The following NOL8 variants were observed in gnomAD, a reference collection of about 807,000 sequenced individuals.
NOL8 encodes the protein nucleolar protein Nop132.
In NOL8, 93 loss-of-function variants were observed where a neutral mutation model predicts 116.1. That is an observed-to-expected ratio of 0.80 (90% confidence interval 0.68 to 0.95). NOL8 has a LOEUF of 0.95. NOL8 is among the 40% of genes least tolerant of loss of function. The probability of loss-of-function intolerance (pLI) is 0.00; values close to 1 mark genes in which losing one functional copy is unlikely to be tolerated. For missense variants in NOL8, 1,291 were observed against 1,382.8 expected, an observed-to-expected ratio of 0.93 and a Z score of 1.05; for synonymous variants, 419 against 469.0, an observed-to-expected ratio of 0.89 and a Z score of 1.38.
intron 3 of NOL8, chr9:92,322,934 A>ATG (rs1248718672): frequency 6.5e-6 from 1 of 153,202 alleles, no homozygotes; most frequent in African/African-American, 2.4e-5. Flanking sequence ...TAACTAGAAT[A>ATG]TGTTACTGTG....
chr9:92,311,939 G>A (rs999681774), intron 7 of NOL8, among the ~76,000 whole-genome samples: 3 of 152,092 alleles, frequency 2.0e-5, no homozygotes, highest in South Asian at 2.1e-4. Context: ...GCAAAGACAC[G>A]AAATCAACCT....
At position 92,305,744 on chromosome 9, in the gene NOL8, T is replaced by C. The variant is rs762119287; in HGVS notation, c.2903+9A>G. The C allele has an allele frequency of 6.3e-7, 1 of 1,576,084 alleles. No individual in the cohort carries two copies. Among genetic ancestry groups the C allele is most frequent in the Non-Finnish European group, 8.7e-7 (1 of 1,146,456 alleles). ...TGATCCTATTGCTAAAAGAAGTAGC[T>C]CTACTTACCTTTCTTTTGGCTTATC... On this transcript the variant is annotated intron_variant, in intron 12 of 16. Coordinates refer to ENST00000442668, the MANE Select transcript of NOL8 (RefSeq NM_017948.6).
chr9:92,303,646 C>T (rs1345778707), intron 12 of NOL8, among the ~76,000 whole-genome samples: 2 of 152,068 alleles, frequency 1.3e-5, no homozygotes, highest in African/African-American at 4.8e-5. Context: ...AGATAAGAAG[C>T]TTCCAACTGT....
At chr9:92,309,866 A>G (rs1728773156) in intron 10 of NOL8, among the ~76,000 whole-genome samples, 1 of 152,180 alleles carries the variant, frequency 6.6e-6, no homozygotes, top group Non-Finnish European at 1.5e-5. Flanking sequence ...TTCACCCAGA[A>G]CCTGCTGATC....
rs375933918 is a variant in NOL8 at position 92,314,899 on chromosome 9, C to T, written c.1726G>A (p.Val576Ile). The T allele has an allele frequency of 4.3e-6, 7 of 1,613,600 alleles. No individual in the cohort carries two copies. The highest frequency in any genetic ancestry group is 3.3e-5 in the Admixed American group (2 of 59,994). The part of the protein sequence containing the change: ...LKPKFQAFKG[V>I]GCLYEKESMK... ...GACTCCTTTTCATATAGACAGCCTACTCCCTTGAAAGCCTGAAATTTTGGC... is the reference window on the plus strand; with the variant it reads ...GACTCCTTTTCATATAGACAGCCTATTCCCTTGAAAGCCTGAAATTTTGGC... The change falls in exon 7 of 17, where the codon GTA (valine) becomes ATA (isoleucine). Residue 576 changes from valine to isoleucine, a missense_variant. Val to Ile is a conservative substitution (Grantham distance 29, BLOSUM62 3). Transcript: ENST00000442668.
At chr9:92,312,332 T>C (rs576581799) in intron 7 of NOL8, among the ~76,000 whole-genome samples, 1 of 150,152 alleles carries the variant, frequency 6.7e-6, no homozygotes, top group East Asian at 2.0e-4. Context: ...CACGTGACTG[T>C]AGTCCCAGCT....
In NOL8 at chr9:92,311,177, T is replaced by C. The variant is rs767127920; in HGVS notation, c.2441A>G (p.Glu814Gly). The change falls in exon 8 of 17, where the codon GAG becomes GGG. Residue 814 changes from glutamate to glycine, a missense_variant. Glu to Gly is a moderately conservative substitution (Grantham distance 98). Coordinates refer to ENST00000442668, the MANE Select transcript of NOL8 (RefSeq NM_017948.6). The part of the protein sequence containing the change: ...ECETEETSTQ[E>G]QSHPGEEWVK... ...CCATTCCTCTCCTGGATGGCTCTGC[T>C]CCTGAGTCGATGTCTCCTCTGTTTC... The C allele has an allele frequency of 2.5e-6, 4 of 1,613,792 alleles. No individual in the cohort carries two copies. The Admixed American group carries it at 5.0e-5, about 20-fold the overall frequency.
chr9:92,300,984 G>C (rs1445167994), intron 13 of NOL8, among the ~76,000 whole-genome samples: 2 of 152,190 alleles, frequency 1.3e-5, no homozygotes, highest in African/African-American at 4.8e-5. Context: ...GTGAGGAACA[G>C]GTCAGGTGTT....
At position 92,297,607 on chromosome 9, in the gene NOL8, C is replaced by G. The variant is rs1837347520; in HGVS notation, c.*229G>C. 1.9e-6 allele frequency: 1 copy of G among 515,126 alleles called. No individual in the cohort carries two copies. Among genetic ancestry groups the G allele is most frequent in the African/African-American group, 2.0e-5 (1 of 50,762 alleles). 31.9% of individuals were successfully genotyped at this position (515,126 alleles called of 1,614,324 possible). A position where few individuals can be genotyped will look rare whatever the true frequency, so the allele number is the denominator to read the frequency against. On this transcript the variant is annotated 3_prime_UTR_variant, in exon 17 of 17. Coordinates refer to ENST00000442668, the MANE Select transcript of NOL8 (RefSeq NM_017948.6). ...TACAAAAAGTATTTTCAAGGACTAT[C>G]TTGTTCTTCCTTTATAAGAAGTTGA...
rs1840213439 is a variant in NOL8 at position 92,324,116 on chromosome 9, T to C, written c.46A>G (p.Ser16Gly). ...ETKRLYVGGLSQDISEADLQN... is the reference protein window; with the variant it reads ...ETKRLYVGGLGQDISEADLQN... ...AGGTCTGCCTCAGAAATGTCCTGGC[T>C]AAGGCCACCCACATAAAGGCGCTTC... Residue 16 changes from serine (S) to glycine (G), a missense_variant, in exon 2 of 17, where the codon AGC becomes GGC. Transcript: ENST00000442668. 6.2e-7 allele frequency: 1 copy of C among 1,614,070 alleles called. No individual in the cohort carries two copies. Among genetic ancestry groups the C allele is most frequent in the Non-Finnish European group, 8.5e-7 (1 of 1,179,898 alleles).
chr9:92,324,106 A>G lies in NOL8; in HGVS notation c.56T>C (p.Ile19Thr). 1 of 1,614,058 alleles carries G rather than the reference A, an allele frequency of 6.2e-7. No individual in the cohort carries two copies. Among genetic ancestry groups the G allele is most frequent in the Non-Finnish European group, 8.5e-7 (1 of 1,179,902 alleles). ...CTGATTTTGTAGGTCTGCCTCAGAA[A>G]TGTCCTGGCTAAGGCCACCCACATA... ...RLYVGGLSQDISEADLQNQFS... is the reference protein window; with the variant it reads ...RLYVGGLSQDTSEADLQNQFS... The change falls in exon 2 of 17, where the codon ATT (isoleucine) becomes ACT (threonine). Residue 19 changes from isoleucine (I) to threonine (T), a missense_variant. Transcript: ENST00000442668.
chr9:92,300,647 A>G (rs1564202268), intron 13 of NOL8: 1 of 1,023,022 alleles, frequency 9.8e-7, no homozygotes, highest in Non-Finnish European at 1.2e-6. Context: ...TGCCAACTCT[A>G]CTCAACAGTT....
intron 10 of NOL8, among the ~76,000 whole-genome samples, chr9:92,307,874 G>A (rs1838416959): frequency 6.6e-6 from 1 of 152,174 alleles, no homozygotes; most frequent in Non-Finnish European, 1.5e-5. Context: ...CATGCTAGGT[G>A]TTGGAAACAA....
At chr9:92,320,258 A>G (rs1277604575) in intron 4 of NOL8, 1 of 451,564 alleles carries the variant, frequency 2.2e-6, no homozygotes, top group Non-Finnish European at 4.5e-6. Flanking sequence ...TTTATGTCCC[A>G]GAATAACCAT....
chr9:92,298,856 T>C (rs760867587), intron 15 of NOL8, 28 bp downstream of exon 15: 7 of 1,332,124 alleles, frequency 5.3e-6, no homozygotes, highest in East Asian at 2.5e-5. Context: ...GTTCTATGTA[T>C]GTAATTTGAT....
Position 92,319,159 on chromosome 9 carries a change from C to T in NOL8, c.417+62G>A, listed in dbSNP as rs547793609. 21 of 1,458,762 alleles carry T rather than the reference C, an allele frequency of 1.4e-5. 1 individual carries two copies. Among genetic ancestry groups the T allele is most frequent in the African/African-American group, 1.0e-4 (7 of 67,558 alleles). 90.4% of individuals were successfully genotyped at this position (1,458,762 alleles called of 1,614,324 possible). On this transcript the variant is annotated intron_variant, in intron 5 of 16. Transcript: ENST00000442668. ...GTTTTAGACATGACACCCACAATCA[C>T]GTGATCTCAGGCATCAGTTTCCAAG...
At chr9:92,322,524 T>C (rs749525158) in intron 3 of NOL8, among the ~76,000 whole-genome samples, 8 of 152,156 alleles carry the variant, frequency 5.3e-5, no homozygotes, top group Non-Finnish European at 8.8e-5. Flanking sequence ...ACCCAGCTAA[T>C]TGTGGTATTT....
In NOL8 at chr9:92,324,090, T is replaced by C. The variant is rs1840209460; in HGVS notation, c.72A>G (p.Leu24=). The change falls in exon 2 of 17, where the codon CTA becomes CTG. Residue 24 remains leucine (L), a synonymous_variant. Coordinates refer to ENST00000442668, the MANE Select transcript of NOL8 (RefSeq NM_017948.6). ...GLSQDISEAD[L]QNQFSRFGEV... Reference sequence around the variant, plus strand: ...CTCCAAATCTGCTGAACTGATTTTGTAGGTCTGCCTCAGAAATGTCCTGGC... The same window carrying C: ...CTCCAAATCTGCTGAACTGATTTTGCAGGTCTGCCTCAGAAATGTCCTGGC... 2 of 1,613,936 alleles carry C rather than the reference T, an allele frequency of 1.2e-6. No individual in the cohort carries two copies. The highest frequency in any genetic ancestry group is 1.3e-5 in the African/African-American group (1 of 74,962).
At position 92,297,891 on chromosome 9, in the gene NOL8, GAA is replaced by G; in HGVS notation, c.3454-7_3454-6del. 2.9e-6 allele frequency: 4 copies of G among 1,395,564 alleles called. No homozygotes were observed. The highest frequency in any genetic ancestry group is 2.5e-5 in the Admixed American group (1 of 40,714). 86.4% of individuals were successfully genotyped at this position (1,395,564 alleles called of 1,614,324 possible). A position where few individuals can be genotyped will look rare whatever the true frequency, so the allele number is the denominator to read the frequency against. Reference sequence around the variant, plus strand: ...TTTATGTTTCTTTCGACAATCCTAGGAAAAAAAAAAGACTTGGTTAGCAATAA... The same window carrying G: ...TTTATGTTTCTTTCGACAATCCTAGGAAAAAAAAGACTTGGTTAGCAATAA... On this transcript the variant is annotated splice_region_variant and splice_polypyrimidine_tract_variant and intron_variant, in intron 16 of 16. Coordinates refer to ENST00000442668, the MANE Select transcript of NOL8 (RefSeq NM_017948.6).
Sources: gnomAD v4.1 joint callset for allele counts (sites outside exome capture counted in the v4.1 genomes callset) on GRCh38, gnomAD v4.1.1 for gene constraint, MANE v1.5 for transcripts, NCBI Gene and HGNC (gene_info 2026-07-23, HGNC 2026-07-21) for gene names.